Variants in DNAH1 observed in about 807,000 individuals in gnomAD.
DNAH1 encodes dynein axonemal heavy chain 1, also known as axonemal beta dynein heavy chain 1.
A neutral mutation model predicts 484.3 loss-of-function variants in DNAH1; 327 were observed. The observed-to-expected ratio is 0.68, with a 90% confidence interval of 0.62 to 0.74. The LOEUF (loss-of-function observed/expected upper bound fraction) is 0.74. Ranked by LOEUF, DNAH1 falls within the 30% of genes least tolerant of loss-of-function variation. The pLI is 0.00. For synonymous variants in DNAH1, 2,192 were observed against 2,191.9 expected (o/e 1.00, Z 0.00); for missense variants, 5,052 against 5,546.8 (o/e 0.91, Z 2.83).
rs1704572516 is a variant in DNAH1, at chr3:52,395,343, C to T, written c.11004C>T (p.Asn3668=). Reference sequence around the variant, plus strand: ...TGTCAGTGGTGTTCAAAGACTCCAACTCCACCACACCCCTCATCTTTGTGC... The same window carrying T: ...TGTCAGTGGTGTTCAAAGACTCCAATTCCACCACACCCCTCATCTTTGTGC... ...ANLSVVFKDS[N]STTPLIFVLS... is the part of the protein sequence containing the mutation. Residue 3668 remains asparagine (N), a synonymous_variant, in exon 69 of 78, where the codon AAC becomes AAT. Coordinates refer to ENST00000420323, the MANE Select transcript of DNAH1 (RefSeq NM_015512.5). The surrounding 1 kb of genome is among the most constrained non-coding windows in gnomAD (Gnocchi z 4.4). The T allele has an allele frequency of 6.2e-7, 1 of 1,613,810 alleles. No homozygotes were observed. The highest frequency in any genetic ancestry group is 8.5e-7 in the Non-Finnish European group (1 of 1,179,860).
chr3:52,319,196 A>G (rs1701055839), intron 1 of DNAH1, among the ~76,000 whole-genome samples: 1 of 152,052 alleles, frequency 6.6e-6, no homozygotes, highest in Admixed American at 6.6e-5. Flanking sequence ...AGGTTGGAAT[A>G]CCCCTATTCA....
In DNAH1 at chr3:52,338,783, T is replaced by C. The variant is rs1701823594; in HGVS notation, c.1287-5707T>C. Among the ~76,000 whole-genome samples, 3 of 150,836 alleles carry C rather than the reference T, an allele frequency of 2.0e-5. No individual in the cohort carries two copies. The South Asian group carries it at 6.3e-4, about 32-fold the overall frequency. ...GTTCACGCCTGTAATCCCAGCACTTTGGGAGGCTGAGGTGGGTGGATCGCC... is the reference window on the plus strand; with the variant it reads ...GTTCACGCCTGTAATCCCAGCACTTCGGGAGGCTGAGGTGGGTGGATCGCC... On this transcript the variant is annotated intron_variant, in intron 8 of 77. Coordinates refer to ENST00000420323, the MANE Select transcript of DNAH1 (RefSeq NM_015512.5).
chr3:52,332,518 C>A, intron 8 of DNAH1, 124 bp downstream of exon 8: 1 of 1,397,364 alleles, frequency 7.2e-7, no homozygotes, highest in Non-Finnish European at 9.5e-7. Context: ...ACTGTCCTGG[C>A]TATTGCCCTC....
Position 52,372,369 on chromosome 3 carries a change from A to G in DNAH1, c.6809A>G (p.Asp2270Gly). 6.2e-7 allele frequency: 1 copy of G among 1,613,838 alleles called. No individual in the cohort carries two copies. ...TSANQTQDFI[D>G]SKLDKRRKGV... ...GCCAACCAGACCCAGGACTTCATTG[A>G]CAGCAAGCTGGACAAGAGGCAGGGC... is the stretch of plus-strand genomic sequence containing the variant. Residue 2270 changes from aspartate to glycine, a missense_variant, in exon 43 of 78, where the codon GAC becomes GGC. Asp to Gly is a moderately conservative substitution (Grantham distance 94). This residue lies in a region of DNAH1 where 2,929 missense variants were observed against 3,409.4 expected (regional missense o/e 0.86). Transcript: ENST00000420323.
In DNAH1 at chr3:52,344,616, CAAG is replaced by C. The variant is rs753738909; in HGVS notation, c.1417_1419del (p.Lys473del). ...AGACCTTCTCCTACGTCACCCTCCC[CAAG>C]AAGGAGGAGGAGCAGGTGCCTGAGC... is the stretch of plus-strand genomic sequence containing the variant. On this transcript the variant is annotated inframe_deletion, in exon 9 of 78. Transcript: ENST00000420323. The C allele has an allele frequency of 3.1e-6, 5 of 1,613,836 alleles. No homozygotes were observed. The African/African-American group carries it at 5.3e-5, about 17-fold the overall frequency.
chr3:52,339,480 T>C (rs1701852730), intron 8 of DNAH1, among the ~76,000 whole-genome samples: 2 of 152,162 alleles, frequency 1.3e-5, no homozygotes, highest in South Asian at 4.1e-4. Flanking sequence ...TGATTCAAGG[T>C]GGTTTTTCAG....
chr3:52,395,069 G>A lies in DNAH1; in HGVS notation c.10968+10G>A, dbSNP rs1337966934. On this transcript the variant is annotated intron_variant, in intron 68 of 77. Transcript: ENST00000420323. The surrounding 1 kb of genome is among the most constrained non-coding windows in gnomAD (Gnocchi z 4.4). ...CTTCATTGAACCCCAGGCAAGTGCTGGAACCCTGGCAGGACTGGCACCTTG... is the reference window on the plus strand; with the variant it reads ...CTTCATTGAACCCCAGGCAAGTGCTAGAACCCTGGCAGGACTGGCACCTTG... 4 of 1,604,252 alleles carry A rather than the reference G, an allele frequency of 2.5e-6. No individual in the cohort carries two copies. In the East Asian group the frequency reaches 6.7e-5, roughly 27 times the overall value.
chr3:52,312,344 G>A (rs1001172543), upstream of DNAH1, among the ~76,000 whole-genome samples: 5 of 152,090 alleles, frequency 3.3e-5, no homozygotes, highest in African/African-American at 1.2e-4. Flanking sequence ...GGCCGCATCT[G>A]TTGGACCACA....
rs138604187 is a variant in DNAH1, at chr3:52,394,601, C to G, written c.10763C>G (p.Ser3588Cys). 6.8e-6 allele frequency: 11 copies of G among 1,606,568 alleles called. No homozygotes were observed. Among genetic ancestry groups the G allele is most frequent in the Admixed American group, 6.7e-5 (4 of 59,556 alleles). Residue 3588 changes from serine (S) to cysteine (C), a missense_variant, in exon 67 of 78, where the codon TCC becomes TGC. Coordinates refer to ENST00000420323, the MANE Select transcript of DNAH1 (RefSeq NM_015512.5). ...SNLPTFSSFSSDFVKHLSEFR... is the reference protein window; with the variant it reads ...SNLPTFSSFSCDFVKHLSEFR... ...CTGCCAACCTTTTCCTCCTTCTCTT[C>G]CGACTTCGTGAAGCACCTCTCAGAA...
At position 52,368,619 on chromosome 3, in the gene DNAH1, G is replaced by T. The variant is rs772533061; in HGVS notation, c.5766-122G>T. The T allele has an allele frequency of 3.9e-5, 42 of 1,066,684 alleles. No homozygotes were observed. Among genetic ancestry groups the T allele is most frequent in the Non-Finnish European group, 5.6e-5 (41 of 737,350 alleles). The allele number at this position is 1,066,684 out of a possible 1,614,324, so 66.1% of individuals were successfully genotyped here. Reference sequence around the variant, plus strand: ...ACTTTTCCTATTATAATTTTTAAAAGAACAAAGAGATTGAAGGAAAGTAGA... The same window carrying T: ...ACTTTTCCTATTATAATTTTTAAAATAACAAAGAGATTGAAGGAAAGTAGA... On this transcript the variant is annotated intron_variant, in intron 36 of 77. Coordinates refer to ENST00000420323, the MANE Select transcript of DNAH1 (RefSeq NM_015512.5). The surrounding 1 kb of genome is among the most constrained non-coding windows in gnomAD (Gnocchi z 4.4).
chr3:52,312,675 C>T (rs571874775), upstream of DNAH1, among the ~76,000 whole-genome samples: 73 of 151,590 alleles, frequency 4.8e-4, no homozygotes, highest in Middle Eastern at 3.4e-3. Flanking sequence ...TTTTTTGAGA[C>T]GGAATCTTGT....
At position 52,391,241 on chromosome 3, in the gene DNAH1, G is replaced by C. The variant is rs1459021837; in HGVS notation, c.9804G>C (p.Glu3268Asp). Reference sequence around the variant, plus strand: ...ACCGCGACTTCCTGCGCAGCATGGAGAACGCCATCCGCTTTGGCAAGCCAT... The same window carrying C: ...ACCGCGACTTCCTGCGCAGCATGGACAACGCCATCCGCTTTGGCAAGCCAT... ...LSDRDFLRSM[E>D]NAIRFGKPCL... is the part of the protein sequence containing the mutation. Residue 3268 changes from glutamate to aspartate, a missense_variant, in exon 62 of 78, where the codon GAG becomes GAC. By Grantham distance (45) the Glu-to-Asp change is conservative. Transcript: ENST00000420323. 3 of 1,613,846 alleles carry C rather than the reference G, an allele frequency of 1.9e-6. No individual in the cohort carries two copies. The highest frequency in any genetic ancestry group is 1.7e-5 in the Admixed American group (1 of 59,994).
At chr3:52,322,823 C>T (rs1234460533) in intron 2 of DNAH1, 48 bp downstream of exon 2, 1 of 1,474,644 alleles carries the variant, frequency 6.8e-7, no homozygotes, top group Non-Finnish European at 9.3e-7. Context: ...TTCCTCTGGG[C>T]TCCGTTCACC....
At chr3:52,357,208 C>T (rs557131903) in intron 22 of DNAH1, among the ~76,000 whole-genome samples, 2 of 152,072 alleles carry the variant, frequency 1.3e-5, no homozygotes, top group Non-Finnish European at 2.9e-5. Flanking sequence ...TGCGCCACCA[C>T]GCGTGGCTGA....
Position 52,391,411 on chromosome 3 carries a change from GC to G in DNAH1, c.9892-30del, listed in dbSNP as rs768133003. Reference sequence around the variant, plus strand: ...CCCCTGCCCCACTGGTGATGCTCAGGCCACAGTACCCACCGGTCCCACCCAC... The same window carrying G: ...CCCCTGCCCCACTGGTGATGCTCAGGCACAGTACCCACCGGTCCCACCCAC... On this transcript the variant is annotated intron_variant, in intron 62 of 77. Transcript: ENST00000420323. 17 of 1,597,712 alleles carry G rather than the reference GC, an allele frequency of 1.1e-5. No homozygotes were observed. The African/African-American group carries it at 2.3e-4, about 21-fold the overall frequency.
rs140393855 is a variant in DNAH1, at chr3:52,376,381, C to T, written c.7198+388C>T. On this transcript the variant is annotated intron_variant, in intron 46 of 77. Transcript: ENST00000420323. The stretch of plus-strand genomic sequence containing the variant: ...GCATCGTGGTGAATCTGCCCGTCGT[C>T]GCGGCAAGGCGGCTGACCACTGCAG... Among the ~76,000 whole-genome samples, 23 of 152,346 alleles carry T rather than the reference C, an allele frequency of 1.5e-4. No individual in the cohort carries two copies. In the East Asian group the frequency reaches 4.4e-3, roughly 29 times the overall value.
At position 52,330,654 on chromosome 3, in the gene DNAH1, A is replaced by G. The variant is rs562116767; in HGVS notation, c.872-494A>G. Among the ~76,000 whole-genome samples the G allele has an allele frequency of 5.8e-4, 89 of 152,204 alleles. No homozygotes were observed. In the South Asian group the frequency reaches 0.018, roughly 30 times the overall value. On this transcript the variant is annotated intron_variant, in intron 6 of 77. Transcript: ENST00000420323. ...AACCAGTGGGAGGCCAATCCTGACC[A>G]AAGAGCGGCTCCTGCCCTGCCCTGC... is the stretch of plus-strand genomic sequence containing the variant.
At chr3:52,398,224 A>G (rs1319843707) in intron 75 of DNAH1, 62 bp downstream of exon 75, 1 of 1,534,074 alleles carries the variant, frequency 6.5e-7, no homozygotes, top group East Asian at 2.3e-5. Context: ...AGAAATGACA[A>G]CAGGGGTTAC....
chr3:52,358,193 G>A lies in DNAH1; in HGVS notation c.4086+190G>A, dbSNP rs2153224238. ...TCCCCAGCTCAGGGCTGAGGGCCCT[G>A]GATTTCCAACTCACCAGGCGCTCCC... is the stretch of plus-strand genomic sequence containing the variant. On this transcript the variant is annotated intron_variant, in intron 24 of 77. Coordinates refer to ENST00000420323, the MANE Select transcript of DNAH1 (RefSeq NM_015512.5). The surrounding 1 kb of genome is among the most constrained non-coding windows in gnomAD (Gnocchi z 4.2). Among the ~76,000 whole-genome samples, 1 of 152,356 alleles carries A rather than the reference G, an allele frequency of 6.6e-6. No homozygotes were observed. Among genetic ancestry groups the A allele is most frequent in the African/African-American group, 2.4e-5 (1 of 41,596 alleles).
Sources: gnomAD v4.1 joint callset for allele counts (sites outside exome capture counted in the v4.1 genomes callset) on GRCh38, gnomAD v4.1.1 for gene constraint, gnomAD v4.1.1 regional missense constraint, Gnocchi (gnomAD v3.1) non-coding constraint, MANE v1.5 for transcripts, NCBI Gene and HGNC (gene_info 2026-07-23, HGNC 2026-07-21) for gene names.